The following LCK variants were observed in gnomAD, a reference collection of about 807,000 sequenced individuals.
LCK encodes tyrosine-protein kinase Lck.
In LCK, 14 loss-of-function variants were observed where a neutral mutation model predicts 64.6. The observed-to-expected ratio is 0.22, with a 90% CI of 0.14 to 0.34. LCK has a LOEUF of 0.34. Among genes scored for constraint, LCK ranks in the 10% least tolerant of loss-of-function variants. LCK has a pLI of 1.00. For missense variants in LCK, 434 were observed against 668.1 expected (o/e 0.65, Z 3.86); for synonymous variants, 277 against 263.6 (o/e 1.05, Z -0.49).
intron 1 of LCK, among the ~76,000 whole-genome samples, chr1:32,261,240 A>ATTTTT (rs533208515): frequency 9.4e-6 from 1 of 106,090 alleles, no homozygotes; most frequent in Non-Finnish European, 1.8e-5. Flanking sequence ...TGCTTGGCTA[A>ATTTTT]TTTTTTTTTT....
intron 1 of LCK, among the ~76,000 whole-genome samples, chr1:32,254,791 C>T (rs1218518196): frequency 6.6e-6 from 1 of 152,170 alleles, no homozygotes; most frequent in East Asian, 1.9e-4. Flanking sequence ...GGATTACAGG[C>T]ATGAGCCACC....
In LCK at chr1:32,272,577, G is replaced by A. The variant is rs190626155; in HGVS notation, c.-5-1748G>A. Among the ~76,000 whole-genome samples, 168 of 143,570 alleles carry A rather than the reference G, an allele frequency of 1.2e-3. 2 individuals carry two copies. The highest frequency in any genetic ancestry group is 4.1e-3 in the African/African-American group (163 of 39,798). 94.2% of individuals were successfully genotyped at this position (143,570 alleles called of 152,430 possible). ...GAGGAAGGGAGACCCTGTCTCAAGA[G>A]AGAGAGAGAAAGAGAGAGAGAGAGA... On this transcript the variant is annotated intron_variant, in intron 1 of 12. Coordinates refer to ENST00000336890, the MANE Select transcript of LCK (RefSeq NM_005356.5).
In LCK at chr1:32,275,996, C is replaced by G; in HGVS notation, c.564C>G (p.Asn188Lys). 2 of 1,614,110 alleles carry G rather than the reference C, an allele frequency of 1.2e-6. No individual in the cohort carries two copies. The highest frequency in any genetic ancestry group is 8.5e-7 in the Non-Finnish European group (1 of 1,180,016). The change falls in exon 7 of 13, where the codon AAC (asparagine) becomes AAG (lysine). Residue 188 changes from asparagine (N) to lysine (K), a missense_variant. Around this residue, in one of 2 missense-constraint regions of LCK, gnomAD observed 233 missense variants for 291.2 expected, o/e 0.80. Coordinates refer to ENST00000336890, the MANE Select transcript of LCK (RefSeq NM_005356.5). This position sits in a 1 kb window ranked among gnomAD's most constrained non-coding sequence, Gnocchi z 6.9. The part of the protein sequence containing the change: ...VKHYKIRNLD[N>K]GGFYISPRIT... ...ATTACAAGATCCGTAATCTGGACAACGGTGGCTTCTACATCTCCCCTCGAA... is the reference window on the plus strand; with the variant it reads ...ATTACAAGATCCGTAATCTGGACAAGGGTGGCTTCTACATCTCCCCTCGAA...
intron 1 of LCK, 179 bp from the exon 2 acceptor site, chr1:32,274,146 A>G: frequency 7.5e-7 from 1 of 1,336,996 alleles, no homozygotes; most frequent in East Asian, 2.6e-5. Context: ...GCTCAGAGGG[A>G]GCACCGGTTT....
In LCK at chr1:32,275,678, C is replaced by A. The variant is rs1206017487; in HGVS notation, c.481+6C>A. The A allele has an allele frequency of 1.3e-6, 2 of 1,556,022 alleles. No homozygotes were observed. The highest frequency in any genetic ancestry group is 1.4e-5 in the African/African-American group (1 of 73,670). ...GGAGAGCGAGAGCACCGCGGGTGAG[C>A]GGGCGGCGGTCTCGACCGGGCGCGG... On this transcript the variant is annotated splice_donor_region_variant and intron_variant, in intron 6 of 12. Transcript: ENST00000336890. This position sits in a 1 kb window ranked among gnomAD's most constrained non-coding sequence, Gnocchi z 6.9.
rs1165326980 is a variant in LCK at position 32,274,831 on chromosome 1, A to G, written c.187+13A>G. On this transcript the variant is annotated intron_variant, in intron 3 of 12. Coordinates refer to ENST00000336890, the MANE Select transcript of LCK (RefSeq NM_005356.5). ...TCCCCACTGCAAGGTGACCCCAGGC[A>G]GCAGGGCCTGAAAGACAAGGCCTGC... is the stretch of plus-strand genomic sequence containing the variant. The G allele has an allele frequency of 1.2e-6, 2 of 1,614,048 alleles. No individual in the cohort carries two copies. The highest frequency in any genetic ancestry group is 1.7e-5 in the Admixed American group (1 of 60,010).
At chr1:32,253,769 T>C (rs1158240340) in intron 1 of LCK, among the ~76,000 whole-genome samples, 1 of 151,904 alleles carries the variant, frequency 6.6e-6, no homozygotes, top group Non-Finnish European at 1.5e-5. Context: ...GTGTGAGGAG[T>C]GTGAGAACTC....
intron 1 of LCK, among the ~76,000 whole-genome samples, chr1:32,270,593 C>T (rs1640052423): frequency 6.7e-6 from 1 of 149,266 alleles, no homozygotes; most frequent in Non-Finnish European, 1.5e-5. Context: ...CGGGGTTTCA[C>T]CATGTTGGTC....
In LCK at chr1:32,257,868, G is replaced by A. The variant is rs115015145; in HGVS notation, c.-6+6497G>A. ...CCTTATTTATAGCGATACTTGACTA[G>A]CAGAATCAGTTCTATGTTCAAGACA... On this transcript the variant is annotated intron_variant, in intron 1 of 12. Coordinates refer to ENST00000336890, the MANE Select transcript of LCK (RefSeq NM_005356.5). 5.7e-3 allele frequency among the ~76,000 whole-genome samples: 873 copies of A among 152,022 alleles called. 9 individuals are homozygous for A. The highest frequency in any genetic ancestry group is 0.02 in the African/African-American group (834 of 41,458).
intron 1 of LCK, among the ~76,000 whole-genome samples, chr1:32,254,332 A>G (rs1481874315): frequency 6.6e-6 from 1 of 152,084 alleles, no homozygotes; most frequent in East Asian, 1.9e-4. Flanking sequence ...CAGCCTGGCC[A>G]TCATGGTGAA....
chr1:32,274,849 A>T (rs200279908), intron 3 of LCK, 31 bp downstream of exon 3: 37 of 1,613,870 alleles, frequency 2.3e-5, no homozygotes, highest in Non-Finnish European at 3.1e-5. Context: ...CTGAAAGACA[A>T]GGCCTGCGGA....
intron 2 of LCK, 70 bp from the exon 3 acceptor site, chr1:32,274,666 AG>A (rs1640199313): frequency 8.0e-6 from 10 of 1,257,592 alleles, no homozygotes; most frequent in Non-Finnish European, 1.1e-5. Flanking sequence ...AGAGCAGAGC[AG>A]GGGGGAAGGG....
At chr1:32,267,443 G>A (rs1639953724) in intron 1 of LCK, among the ~76,000 whole-genome samples, 1 of 152,140 alleles carries the variant, frequency 6.6e-6, no homozygotes, top group South Asian at 2.1e-4. Flanking sequence ...GGTACCCATG[G>A]GAGGCTGAGT....
At chr1:32,283,982 G>T (rs1640536894) in intron 12 of LCK, among the ~76,000 whole-genome samples, 1 of 151,672 alleles carries the variant, frequency 6.6e-6, no homozygotes. Context: ...CTGGGTTTAA[G>T]CGATTCTCCT....
At chr1:32,273,540 C>T (rs1640169087) in intron 1 of LCK, among the ~76,000 whole-genome samples, 1 of 151,870 alleles carries the variant, frequency 6.6e-6, no homozygotes, top group Non-Finnish European at 1.5e-5. Flanking sequence ...GAGGAGCAGC[C>T]CTAGAGAAGG....
At chr1:32,280,360 G>T (rs1214648482) in intron 12 of LCK, 150 bp downstream of exon 12, 6 of 879,588 alleles carry the variant, frequency 6.8e-6, no homozygotes, top group Admixed American at 2.9e-5. Flanking sequence ...CCAGGCAGAT[G>T]CCACATCTCC....
At chr1:32,255,861 G>A (rs1481053413) in intron 1 of LCK, among the ~76,000 whole-genome samples, 1 of 147,478 alleles carries the variant, frequency 6.8e-6, no homozygotes, top group African/African-American at 2.5e-5. Flanking sequence ...GGGGCACATG[G>A]TGTGATCATA....
chr1:32,274,327 A>G lies in LCK; in HGVS notation c.-3A>G. 1 of 1,614,070 alleles carries G rather than the reference A, an allele frequency of 6.2e-7. No homozygotes were observed. The highest frequency in any genetic ancestry group is 8.5e-7 in the Non-Finnish European group (1 of 1,179,976). ...AGCCCCCTCTTCCATTCCCTCAGGG[A>G]CCATGGGCTGTGGCTGCAGCTCACA... is the stretch of plus-strand genomic sequence containing the variant. On this transcript the variant is annotated splice_region_variant and 5_prime_UTR_variant, in exon 2 of 13. Coordinates refer to ENST00000336890, the MANE Select transcript of LCK (RefSeq NM_005356.5).
In LCK at chr1:32,275,092, C is replaced by A; in HGVS notation, c.278+9C>A. 1 of 1,603,858 alleles carries A rather than the reference C, an allele frequency of 6.2e-7. No homozygotes were observed. The highest frequency in any genetic ancestry group is 8.5e-7 in the Non-Finnish European group (1 of 1,172,310). ...CTCCGCATCCTGGAGCAGTGAGTCC[C>A]TCTCCACCTTGCTCTGGCGGAGTCC... On this transcript the variant is annotated intron_variant, in intron 4 of 12. Transcript: ENST00000336890. The surrounding 1 kb of genome is among the most constrained non-coding windows in gnomAD (Gnocchi z 6.9).
Sources: gnomAD v4.1 joint callset for allele counts (sites outside exome capture counted in the v4.1 genomes callset) on GRCh38, gnomAD v4.1.1 for gene constraint, gnomAD v4.1.1 regional missense constraint, Gnocchi (gnomAD v3.1) non-coding constraint, MANE v1.5 for transcripts, NCBI Gene and HGNC (gene_info 2026-07-23, HGNC 2026-07-21) for gene names.